The following CAPN12 variants were observed in gnomAD, a reference collection of about 807,000 sequenced individuals.
CAPN12 encodes the protein calpain-12.
A neutral mutation model predicts 95.0 loss-of-function variants in CAPN12; 107 were observed. The ratio of observed to expected loss-of-function variants is 1.13; its 90% confidence interval spans 0.96 to 1.32. The LOEUF (loss-of-function observed/expected upper bound fraction) is 1.32. Among genes scored for constraint, CAPN12 ranks in the 40% most tolerant of loss-of-function variants. The pLI is 0.00. For synonymous variants in CAPN12, 505 were observed against 415.5 expected (o/e 1.22, Z -2.62); for missense variants, 1,136 against 997.8 (o/e 1.14, Z -1.87).
Position 38,734,141 on chromosome 19 carries a change from C to G in CAPN12, c.1878+1G>C, listed in dbSNP as rs769708753. On this transcript the variant is annotated splice_donor_variant, in intron 17 of 20. Coordinates refer to ENST00000328867, the MANE Select transcript of CAPN12 (RefSeq NM_144691.4). LOFTEE classifies it high-confidence loss of function. ...GGAAGAGGCCCAGTCTCCCACCTCA[C>G]CTGCCACTCCAGGAGGTAGCCCCAG... is the stretch of plus-strand genomic sequence containing the variant. The G allele has an allele frequency of 6.2e-7, 1 of 1,612,714 alleles. No homozygotes were observed. Among genetic ancestry groups the G allele is most frequent in the South Asian group, 1.1e-5 (1 of 91,076 alleles).
chr19:38,734,837 A>T lies in CAPN12; in HGVS notation c.1720T>A (p.Leu574Ile). 2.5e-6 allele frequency: 4 copies of T among 1,612,642 alleles called. No homozygotes were observed. The highest frequency in any genetic ancestry group is 2.5e-6 in the Non-Finnish European group (3 of 1,179,824). ...CCAGGCTCCAGGGCAATGCTTAGTA[A>T]GGCCTGGAGCTGAGAGGCATTGAGT... ...EELNASQLQA[L>I]LSIALEPARA... The change falls in exon 15 of 21, where the codon TTA (leucine) becomes ATA (isoleucine). Residue 574 changes from leucine to isoleucine, a missense_variant. Transcript: ENST00000328867.
At position 38,736,545 on chromosome 19, in the gene CAPN12, G is replaced by A. The variant is rs1599909748; in HGVS notation, c.1374+7C>T. ...CCCAGGGCCGGTTGACCCCATCCCA[G>A]ACTCACCTCCTCTGGAATCTGAAAG... On this transcript the variant is annotated splice_region_variant and intron_variant, in intron 11 of 20. Transcript: ENST00000328867. The A allele has an allele frequency of 3.1e-6, 5 of 1,608,170 alleles. No homozygotes were observed. In the East Asian group the frequency reaches 6.8e-5, roughly 22 times the overall value.
chr19:38,731,332 C>T (rs1969589458), intron 18 of CAPN12, 109 bp from the exon 19 acceptor site: 2 of 785,176 alleles, frequency 2.5e-6, no homozygotes, highest in Non-Finnish European at 4.4e-6. Flanking sequence ...GGTGTCACAC[C>T]CCAACTCTGC....
chr19:38,734,741 G>T, intron 15 of CAPN12, 72 bp downstream of exon 15: 1 of 1,423,360 alleles, frequency 7.0e-7, no homozygotes. Flanking sequence ...CATAGACATA[G>T]GGTGGCACCG....
Position 38,730,751 on chromosome 19 carries a change from G to A in CAPN12, c.*101C>T. On this transcript the variant is annotated 3_prime_UTR_variant, in exon 21 of 21. Transcript: ENST00000328867. ...AGGGCCAGAGACTAGCCCCAGACAG[G>A]TGGATGCCAGAGAGAGTGGCACCCA... 10 of 1,423,564 alleles carry A rather than the reference G, an allele frequency of 7.0e-6. No individual in the cohort carries two copies. The highest frequency in any genetic ancestry group is 9.6e-6 in the Non-Finnish European group (10 of 1,038,040). The allele number at this position is 1,423,564 out of a possible 1,614,324, so 88.2% of individuals were successfully genotyped here.
In CAPN12 at chr19:38,731,211, T is replaced by G. The variant is rs757423138; in HGVS notation, c.1970A>C (p.Asn657Thr). ...LALNAAGFHL[N>T]NQLTQTLTSR... ...GGTGAGGGTCTGGGTCAGCTGGTTG[T>G]TCAGGTGGAAGCCTAGGGGGAGGCT... The change falls in exon 19 of 21, where the codon AAC (asparagine) becomes ACC (threonine). Residue 657 changes from asparagine to threonine, a missense_variant. By Grantham distance (65) the Asn-to-Thr change is moderately conservative. Coordinates refer to ENST00000328867, the MANE Select transcript of CAPN12 (RefSeq NM_144691.4). 1 of 1,612,620 alleles carries G rather than the reference T, an allele frequency of 6.2e-7. No individual in the cohort carries two copies. Among genetic ancestry groups the G allele is most frequent in the Admixed American group, 1.7e-5 (1 of 60,024 alleles).
chr19:38,732,709 C>T (rs1195065578), intron 18 of CAPN12, among the ~76,000 whole-genome samples: 1 of 152,194 alleles, frequency 6.6e-6, no homozygotes, highest in Non-Finnish European at 1.5e-5. Flanking sequence ...CCCTCTCCCT[C>T]TGGCTCTCCG....
At chr19:38,734,288 C>T (rs749354648) in intron 16 of CAPN12, 31 bp downstream of exon 16, 1 of 1,602,778 alleles carries the variant, frequency 6.2e-7, no homozygotes, top group African/African-American at 1.3e-5. Context: ...TCCCCACTCC[C>T]TCCCTCACCC....
intron 2 of CAPN12, 103 bp downstream of exon 2, chr19:38,742,930 A>G (rs931646186): frequency 3.3e-6 from 3 of 897,506 alleles, no homozygotes; most frequent in South Asian, 1.4e-5. Context: ...GAGACTGAGG[A>G]GGGATCCAGG....
intron 2 of CAPN12, 90 bp from the exon 3 acceptor site, chr19:38,742,618 C>A: frequency 3.4e-6 from 3 of 872,276 alleles, no homozygotes; most frequent in Non-Finnish European, 3.6e-6. Context: ...TTTGGGAGGC[C>A]AAGGCAGAAA....
At position 38,734,542 on chromosome 19, in the gene CAPN12, A is replaced by G. The variant is rs537081312; in HGVS notation, c.1745-153T>C. ...GGAGCCAGTGACTGCTGCGCCTAGC[A>G]GAGCTGGGATTCAAATCCAGGCAGG... On this transcript the variant is annotated intron_variant, in intron 15 of 20. Coordinates refer to ENST00000328867, the MANE Select transcript of CAPN12 (RefSeq NM_144691.4). The G allele has an allele frequency of 4.4e-5, 32 of 720,878 alleles. 1 individual carries two copies. The East Asian group carries it at 8.6e-4, about 19-fold the overall frequency. The allele number at this position is 720,878 out of a possible 1,614,324, so 44.7% of individuals were successfully genotyped here.
intron 10 of CAPN12, 47 bp downstream of exon 10, chr19:38,737,109 T>C (rs1163735914): frequency 6.5e-6 from 3 of 462,734 alleles, no homozygotes; most frequent in Non-Finnish European, 5.4e-6. Context: ...GCCCCGCCCC[T>C]CCACCCTCCG....
chr19:38,740,187 C>T lies in CAPN12; in HGVS notation c.593G>A (p.Gly198Asp), dbSNP rs868669008. The T allele has an allele frequency of 1.9e-6, 3 of 1,611,150 alleles. No homozygotes were observed. Among genetic ancestry groups the T allele is most frequent in the South Asian group, 1.1e-5 (1 of 90,394 alleles). ...LHGSYEVMRG[G>D]HMNEAFVDFT... ...ATCCACAAAAGCCTCATTCATGTGG[C>T]CGCCCCGCATCACCTCATAGGAGCC... The change falls in exon 5 of 21, where the codon GGC becomes GAC. Residue 198 changes from glycine (G) to aspartate (D), a missense_variant. Gly to Asp is a moderately conservative substitution (Grantham distance 94). Coordinates refer to ENST00000328867, the MANE Select transcript of CAPN12 (RefSeq NM_144691.4).
rs1035704182 is a variant in CAPN12, at chr19:38,734,942, A to C, written c.1687-72T>G. On this transcript the variant is annotated intron_variant, in intron 14 of 20. Transcript: ENST00000328867. ...CTCTGGGCCAAGCCCTGTGCTAGGG[A>C]CACGGCAGGGGCTGACAGAGCCTCA... 9 of 1,460,462 alleles carry C rather than the reference A, an allele frequency of 6.2e-6. No homozygotes were observed. The African/African-American group carries it at 1.1e-4, about 18-fold the overall frequency. 90.5% of individuals were successfully genotyped at this position (1,460,462 alleles called of 1,614,324 possible).
intron 14 of CAPN12, 149 bp from the exon 15 acceptor site, chr19:38,735,019 G>T (rs1327387417): frequency 4.3e-6 from 3 of 704,218 alleles, no homozygotes; most frequent in Non-Finnish European, 4.7e-6. Context: ...CAGGGCCAGG[G>T]CTGTGACGGG....
chr19:38,741,571 C>T (rs924749850), intron 4 of CAPN12, among the ~76,000 whole-genome samples: 12 of 148,554 alleles, frequency 8.1e-5, no homozygotes, highest in East Asian at 2.0e-4. Context: ...AGTGAGACTC[C>T]GTCTCAAAAA....
At position 38,744,434 on chromosome 19, in the gene CAPN12, G is replaced by A. The variant is rs1370749899; in HGVS notation, c.-269C>T. On this transcript the variant is annotated 5_prime_UTR_variant, in exon 1 of 21. Transcript: ENST00000328867. ...AGAGAAGGCGGGCAGAGCTGAGGGAGGACCGGCTGCCGCTGTCAGAGCACC... is the reference window on the plus strand; with the variant it reads ...AGAGAAGGCGGGCAGAGCTGAGGGAAGACCGGCTGCCGCTGTCAGAGCACC... The A allele has an allele frequency of 1.7e-5, 9 of 539,708 alleles. No homozygotes were observed. The Admixed American group carries it at 1.9e-4, about 11-fold the overall frequency. The allele number at this position is 539,708 out of a possible 1,614,324, so 33.4% of individuals were successfully genotyped here. A position where few individuals can be genotyped will look rare whatever the true frequency, so the allele number is the denominator to read the frequency against.
chr19:38,733,394 C>T (rs1969776306), intron 18 of CAPN12: 1 of 376,620 alleles, frequency 2.7e-6, no homozygotes, highest in Non-Finnish European at 4.8e-6. Flanking sequence ...CCCTGGGGGC[C>T]AGACCCTCTC....
chr19:38,737,919 C>T (rs931825491), intron 8 of CAPN12, among the ~76,000 whole-genome samples: 1 of 152,094 alleles, frequency 6.6e-6, no homozygotes, highest in African/African-American at 2.4e-5. Flanking sequence ...CTCTAAATTA[C>T]CAACAAGTAC....
Sources: allele counts gnomAD v4.1 joint callset (sites outside exome capture counted in the v4.1 genomes callset), GRCh38; gene constraint gnomAD v4.1.1; transcripts MANE v1.5; gene names NCBI Gene and HGNC (gene_info 2026-07-23, HGNC 2026-07-21).